The following ANK3 variants were observed in gnomAD, a reference collection of about 807,000 sequenced individuals.
The protein encoded by ANK3 is ankyrin 3.
Under a neutral mutation model 370.9 loss-of-function variants are expected in ANK3, and 57 were observed. That is an observed-to-expected ratio of 0.15 (90% CI 0.12 to 0.19). The LOEUF (loss-of-function observed/expected upper bound fraction) is 0.19. Among genes scored for constraint, ANK3 ranks in the 10% least tolerant of loss-of-function variants. The probability of loss-of-function intolerance (pLI) is 1.00; values close to 1 mark genes in which losing one functional copy is unlikely to be tolerated. For missense variants in ANK3, 4,439 were observed against 5,302.1 expected (o/e 0.84, Z 5.06); for synonymous variants, 1,929 against 1,946.3 (o/e 0.99, Z 0.23).
intron 2 of ANK3, among the ~76,000 whole-genome samples, chr10:60,438,574 C>T (rs982504616): frequency 1.3e-5 from 2 of 152,042 alleles, no homozygotes; most frequent in African/African-American, 4.8e-5. Flanking sequence ...AAGCCATTTC[C>T]AGCTATTCAC....
At chr10:60,094,597 A>C (rs971775334) in intron 28 of ANK3, among the ~76,000 whole-genome samples, 1 of 152,214 alleles carries the variant, frequency 6.6e-6, no homozygotes, top group Non-Finnish European at 1.5e-5. Flanking sequence ...AAATATACAA[A>C]AAGTATTACT....
intron 4 of ANK3, among the ~76,000 whole-genome samples, chr10:60,273,136 G>A (rs915800151): frequency 2.0e-5 from 3 of 152,178 alleles, no homozygotes; most frequent in African/African-American, 4.8e-5. Context: ...CAGAAACTGA[G>A]ATGCACAGAA....
At chr10:60,264,045 A>G (rs2097845417) in intron 5 of ANK3, 25 bp from the exon 6 acceptor site, 3 of 1,577,068 alleles carry the variant, frequency 1.9e-6, no homozygotes, top group East Asian at 2.3e-5. Context: ...ATGGGTCAAG[A>G]TGGGCTCCAA....
exon 1 of ANK3, chr10:60,733,489 G>A: frequency 1.9e-6 from 1 of 532,246 alleles, no homozygotes; most frequent in Non-Finnish European, 2.8e-6. Flanking sequence ...TCCTCCTGCT[G>A]TGTCCGCTGC....
intron 8 of ANK3, among the ~76,000 whole-genome samples, chr10:60,226,677 G>C (rs1327460462): frequency 7.4e-6 from 1 of 134,780 alleles, no homozygotes; most frequent in African/African-American, 2.7e-5. Flanking sequence ...GTATAATATA[G>C]TATAACATAA....
intron 41 of ANK3, among the ~76,000 whole-genome samples, chr10:60,057,112 C>T (rs1292593609): frequency 5.9e-5 from 9 of 152,156 alleles, no homozygotes; most frequent in South Asian, 2.1e-4. Flanking sequence ...TGAATCCTGC[C>T]GTTACTTTTC....
At chr10:60,340,548 A>C (rs189721378) in intron 1 of ANK3, among the ~76,000 whole-genome samples, 10 of 152,058 alleles carry the variant, frequency 6.6e-5, no homozygotes, top group African/African-American at 2.4e-4. Context: ...AGTAGCTGGG[A>C]TTGCAAGCAT....
intron 23 of ANK3, among the ~76,000 whole-genome samples, chr10:60,164,568 C>G: frequency 6.6e-6 from 1 of 151,858 alleles, no homozygotes. Flanking sequence ...GAAAAGGCAG[C>G]TTTTGTTCAA....
intron 2 of ANK3, 97 bp from the exon 3 acceptor site, chr10:60,279,245 G>T: frequency 9.6e-7 from 1 of 1,046,172 alleles, no homozygotes. Flanking sequence ...AGTCCCACCT[G>T]ATGATCACTT....
Position 60,074,685 on chromosome 10 carries a change from T to C in ANK3, c.6196A>G (p.Arg2066Gly). The change falls in exon 37 of 44, where the codon AGA becomes GGA. Residue 2066 changes from arginine to glycine, a missense_variant. Physicochemically the swap from Arg to Gly is moderately radical, Grantham distance 125. This residue lies in a region of ANK3 where 679 missense variants were observed against 791.0 expected (regional missense o/e 0.86). Coordinates refer to ENST00000280772, the MANE Select transcript of ANK3 (RefSeq NM_020987.5). The part of the protein sequence containing the change: ...AKKDGEERQK[R>G]VLKPAIALQE... ...AAAGCAATTGCTGGTTTTAAAACTCTTTTCTGTCTCTCCTCACCATCCTTC... is the reference window on the plus strand; with the variant it reads ...AAAGCAATTGCTGGTTTTAAAACTCCTTTCTGTCTCTCCTCACCATCCTTC... 6.2e-7 allele frequency: 1 copy of C among 1,613,536 alleles called. No homozygotes were observed. Among genetic ancestry groups the C allele is most frequent in the Middle Eastern group, 1.7e-4 (1 of 6,058 alleles).
intron 1 of ANK3, among the ~76,000 whole-genome samples, chr10:60,685,507 C>T (rs528394756): frequency 5.3e-5 from 8 of 152,156 alleles, no homozygotes; most frequent in South Asian, 4.2e-4. Context: ...TTTACAAAGC[C>T]GTAAAGTACA....
At chr10:60,272,142 C>T (rs573506875) in intron 4 of ANK3, among the ~76,000 whole-genome samples, 3 of 147,746 alleles carry the variant, frequency 2.0e-5, no homozygotes, top group South Asian at 2.1e-4. Context: ...CCCATAGGTC[C>T]GTGTGTCTTT....
chr10:60,285,543 G>A (rs889212204), intron 1 of ANK3, among the ~76,000 whole-genome samples: 2 of 151,904 alleles, frequency 1.3e-5, no homozygotes, highest in Non-Finnish European at 2.9e-5. Flanking sequence ...CTTTTCTTCT[G>A]TCATCTCTTT....
intron 2 of ANK3, among the ~76,000 whole-genome samples, chr10:60,613,822 C>T (rs1386992588): frequency 6.6e-6 from 1 of 152,152 alleles, no homozygotes; most frequent in Non-Finnish European, 1.5e-5. Flanking sequence ...GCCTGTAATC[C>T]CAGCACTTTG....
At chr10:60,055,285 C>T (rs2078941047) in intron 42 of ANK3, among the ~76,000 whole-genome samples, 1 of 152,106 alleles carries the variant, frequency 6.6e-6, no homozygotes, top group African/African-American at 2.4e-5. Flanking sequence ...TATCCTCCTC[C>T]CATAAGGAAG....
At chr10:60,060,833 C>T (rs963151003) in intron 40 of ANK3, 3 of 152,100 alleles carry the variant, frequency 2.0e-5, no homozygotes, top group African/African-American at 7.2e-5. Context: ...AAACCATTCG[C>T]AGGGAGCACT....
intron 42 of ANK3, among the ~76,000 whole-genome samples, chr10:60,045,626 A>AT (rs2076823192): frequency 1.3e-5 from 2 of 152,206 alleles, no homozygotes; most frequent in South Asian, 4.1e-4. Flanking sequence ...GGTGAAATGG[A>AT]TAATGCTGCT....
intron 8 of ANK3, among the ~76,000 whole-genome samples, chr10:60,227,061 T>C (rs73269482): frequency 0.024 from 3,621 of 151,980 alleles, 137 homozygotes; most frequent in African/African-American, 0.08. Context: ...AAGAAATTTC[T>C]TCAGTATTTT....
intron 5 of ANK3, among the ~76,000 whole-genome samples, chr10:60,266,165 T>C (rs890123653): frequency 1.3e-5 from 2 of 152,126 alleles, no homozygotes; most frequent in African/African-American, 4.8e-5. Context: ...ACATCCAAGA[T>C]GTCACAAAAA....
Sources: gnomAD v4.1 joint callset for allele counts (sites outside exome capture counted in the v4.1 genomes callset) on GRCh38, gnomAD v4.1.1 for gene constraint, gnomAD v4.1.1 regional missense constraint, MANE v1.5 for transcripts, NCBI Gene and HGNC (gene_info 2026-07-23, HGNC 2026-07-21) for gene names.